The following TENM2 variants were observed in gnomAD, a reference collection of about 807,000 sequenced individuals.
TENM2 encodes teneurin-2.
TENM2 carries 52 observed loss-of-function variants against 245.2 expected under a neutral mutation model. The ratio of observed to expected loss-of-function variants is 0.21; its 90% confidence interval spans 0.17 to 0.27. TENM2 has a LOEUF of 0.27. TENM2 is among the 10% of genes least tolerant of loss of function. The pLI is 1.00. For synonymous variants in TENM2, 1,363 were observed against 1,438.9 expected (o/e 0.95, Z 1.19); for missense variants, 3,046 against 3,666.8 (o/e 0.83, Z 4.37).
intron 13 of TENM2, among the ~76,000 whole-genome samples, chr5:168,174,755 T>A (rs937655643): frequency 2.6e-5 from 4 of 152,210 alleles, no homozygotes; most frequent in African/African-American, 9.7e-5. Context: ...CGGTGGCCAC[T>A]TCATTAGCAT....
chr5:167,763,703 A>G (rs1483204899), intron 2 of TENM2, among the ~76,000 whole-genome samples: 4 of 152,120 alleles, frequency 2.6e-5, no homozygotes, highest in Non-Finnish European at 5.9e-5. Flanking sequence ...CGCGCTTCTA[A>G]CTTTTCATGA....
Position 167,774,186 on chromosome 5 carries a change from G to C in TENM2, c.503-101800G>C, listed in dbSNP as rs539310668. Among the ~76,000 whole-genome samples the C allele has an allele frequency of 4.1e-5, 5 of 121,442 alleles. No individual in the cohort carries two copies. The East Asian group carries it at 1.3e-3, about 32-fold the overall frequency. 79.7% of individuals were successfully genotyped at this position (121,442 alleles called of 152,430 possible). ...GGAGGAAGGAAGGAAGGAAAGAAGG[G>C]AGGGAGGGAAGGAGGAAGGGAGGGA... On this transcript the variant is annotated intron_variant, in intron 2 of 28. Coordinates refer to ENST00000518659, the Ensembl canonical transcript of TENM2.
chr5:167,101,859 A>ATTTATT, the TENM2 span, among the ~76,000 whole-genome samples: 1 of 124,956 alleles, frequency 8.0e-6, no homozygotes, highest in Non-Finnish European at 1.7e-5. Flanking sequence ...TTATATATAT[A>ATTTATT]TATATATATA....
chr5:167,643,149 A>T (rs1053395338), intron 2 of TENM2, among the ~76,000 whole-genome samples: 1 of 152,222 alleles, frequency 6.6e-6, no homozygotes, highest in Non-Finnish European at 1.5e-5. Flanking sequence ...TGTCCATCTG[A>T]GGGTAGAATT....
At chr5:167,816,147 A>C (rs1007232347) in intron 2 of TENM2, among the ~76,000 whole-genome samples, 7 of 152,076 alleles carry the variant, frequency 4.6e-5, no homozygotes, top group African/African-American at 1.7e-4. Context: ...CCACATTATC[A>C]ATCATGAAGG....
intron 14 of TENM2, among the ~76,000 whole-genome samples, chr5:168,192,151 G>A (rs1761017571): frequency 6.6e-6 from 1 of 152,106 alleles, no homozygotes; most frequent in Non-Finnish European, 1.5e-5. Context: ...CGTAAAAGTT[G>A]ATCAGACAAA....
the TENM2 span, among the ~76,000 whole-genome samples, chr5:167,080,925 TTTCTGGA>T: frequency 1.3e-5 from 2 of 152,098 alleles, no homozygotes; most frequent in Non-Finnish European, 2.9e-5. Context: ...ATAGTGGTTA[TTTCTGGA>T]AAGAGAGTTA....
intron 4 of TENM2, among the ~76,000 whole-genome samples, chr5:167,971,982 ATTTCCTGCATGAT>A (rs1781831236): frequency 6.6e-6 from 1 of 152,326 alleles, no homozygotes; most frequent in South Asian, 2.1e-4. Context: ...ACCCCTCACT[ATTTCCTGCATGAT>A]TAGGGAATGT....
intron 2 of TENM2, among the ~76,000 whole-genome samples, chr5:167,707,773 A>G (rs530233327): frequency 9.2e-5 from 14 of 152,230 alleles, no homozygotes; most frequent in Non-Finnish European, 2.1e-4. Context: ...CTGAAGACAC[A>G]TAGAAACATC....
chr5:168,077,007 C>G (rs560447374), intron 7 of TENM2, among the ~76,000 whole-genome samples: 1 of 152,160 alleles, frequency 6.6e-6, no homozygotes, highest in Non-Finnish European at 1.5e-5. Context: ...GGGTGTGAAT[C>G]TCAGCCCCAC....
the TENM2 span, among the ~76,000 whole-genome samples, chr5:167,279,583 A>G: frequency 1.2e-3 from 113 of 97,750 alleles, no homozygotes; most frequent in African/African-American, 4.1e-3. Context: ...CTTCTGTTGT[A>G]TATATTGGGG....
chr5:167,755,071 C>T (rs1762213455), intron 2 of TENM2: 1 of 1,598,764 alleles, frequency 6.3e-7, no homozygotes, highest in Non-Finnish European at 8.5e-7. Flanking sequence ...GCCCACCTCT[C>T]CTGATCATTA....
the TENM2 span, among the ~76,000 whole-genome samples, chr5:167,116,939 T>C: frequency 6.6e-6 from 1 of 152,196 alleles, no homozygotes. Flanking sequence ...TGATAACTAT[T>C]GTAGTTTGCA....
intron 2 of TENM2, among the ~76,000 whole-genome samples, chr5:167,826,291 G>C (rs1336426334): frequency 6.6e-6 from 1 of 152,126 alleles, no homozygotes; most frequent in Admixed American, 6.5e-5. Context: ...ACTAACTGGG[G>C]CTCCAGCTCC....
intron 1 of TENM2, among the ~76,000 whole-genome samples, chr5:167,310,360 G>A (rs540210326): frequency 2.6e-5 from 4 of 152,212 alleles, no homozygotes; most frequent in African/African-American, 9.6e-5. Flanking sequence ...CCAGTATATT[G>A]CTTTATTCAG....
Position 167,449,675 on chromosome 5 carries a change from GGGCCAGGTGCAGT to G in TENM2, c.502+74206_502+74218del, listed in dbSNP as rs372767092. Among the ~76,000 whole-genome samples, 462 of 151,966 alleles carry G rather than the reference GGGCCAGGTGCAGT, an allele frequency of 3.0e-3. 4 individuals carry two copies. The highest frequency in any genetic ancestry group is 0.011 in the African/African-American group (438 of 41,456). ...TTTTATAATGAAAAGAAAAGAAATG[GGGCCAGGTGCAGT>G]GGCTCATGCCTGTAATCCCAGCACT... On this transcript the variant is annotated intron_variant, in intron 2 of 28. Coordinates refer to ENST00000518659, the Ensembl canonical transcript of TENM2.
chr5:167,102,268 T>A, the TENM2 span, among the ~76,000 whole-genome samples: 2 of 152,062 alleles, frequency 1.3e-5, no homozygotes, highest in African/African-American at 2.4e-5. Context: ...ATTTCAATGT[T>A]GCCACAGCTA....
At chr5:167,253,115 CAG>C in the TENM2 span, among the ~76,000 whole-genome samples, 1 of 151,724 alleles carries the variant, frequency 6.6e-6, no homozygotes, top group Non-Finnish European at 1.5e-5. Context: ...ATTTTTGAGA[CAG>C]GGTTCACTCC....
the TENM2 span, among the ~76,000 whole-genome samples, chr5:167,031,228 C>T: frequency 1.3e-4 from 20 of 152,232 alleles, no homozygotes; most frequent in Non-Finnish European, 2.9e-4. Flanking sequence ...TTCATGGGAA[C>T]ATTCATTAGA....
Sources: gnomAD v4.1 joint callset for allele counts (sites outside exome capture counted in the v4.1 genomes callset) on GRCh38, gnomAD v4.1.1 for gene constraint, MANE v1.5 for transcripts, NCBI Gene and HGNC (gene_info 2026-07-23, HGNC 2026-07-21) for gene names.